MAK: variants seen among roughly 807,000 people sequenced by gnomAD.
The protein encoded by MAK is male germ cell associated kinase.
MAK carries 65 observed loss-of-function variants against 82.6 expected under a neutral mutation model. The observed-to-expected ratio is 0.79, with a 90% CI of 0.64 to 0.97. The LOEUF is 0.97. Among genes scored for constraint, MAK ranks in the 50% least tolerant of loss-of-function variants. MAK has a pLI of 0.00. For missense variants in MAK, 703 were observed against 780.2 expected (o/e 0.90, Z 1.18); for synonymous variants, 250 against 274.2 (o/e 0.91, Z 0.87).
At chr6:10,834,133 A>C (rs1410508483) in intron 1 of MAK, among the ~76,000 whole-genome samples, 1 of 152,208 alleles carries the variant, frequency 6.6e-6, no homozygotes, top group Non-Finnish European at 1.5e-5. Flanking sequence ...GCAATTTATC[A>C]CCAGCATATT....
intron 4 of MAK, among the ~76,000 whole-genome samples, chr6:10,815,054 A>G (rs1454322723): frequency 6.6e-6 from 1 of 151,078 alleles, no homozygotes; most frequent in Non-Finnish European, 1.5e-5. Context: ...AAAAAAATAA[A>G]GAAAGAAATA....
intron 9 of MAK, 78 bp downstream of exon 9, chr6:10,795,917 CATT>C: frequency 6.9e-7 from 1 of 1,453,414 alleles, no homozygotes; most frequent in Non-Finnish European, 9.7e-7. Context: ...TCTTTTCCAA[CATT>C]ATTAGAAATG....
In MAK at chr6:10,803,901, T is replaced by C. The variant is rs762730089; in HGVS notation, c.492-10A>G. The C allele has an allele frequency of 1.9e-6, 3 of 1,613,194 alleles. No individual in the cohort carries two copies. The South Asian group carries it at 3.3e-5, about 18-fold the overall frequency. On this transcript the variant is annotated splice_polypyrimidine_tract_variant and intron_variant, in intron 6 of 14. Coordinates refer to ENST00000354489, the MANE Select transcript of MAK (RefSeq NM_001242957.3). ...TTCAGGGGCACGATACCTATGAAAATAGAGAACAAAAGAGGTAATTTTGAT... is the reference window on the plus strand; with the variant it reads ...TTCAGGGGCACGATACCTATGAAAACAGAGAACAAAAGAGGTAATTTTGAT...
chr6:10,795,434 C>T (rs1373438477), intron 9 of MAK, among the ~76,000 whole-genome samples: 1 of 151,448 alleles, frequency 6.6e-6, no homozygotes, highest in Non-Finnish European at 1.5e-5. Context: ...TAGAGTGAAA[C>T]TCCGTCTCAA....
intron 8 of MAK, among the ~76,000 whole-genome samples, chr6:10,797,159 T>C (rs1294326843): frequency 6.6e-6 from 1 of 152,104 alleles, no homozygotes; most frequent in Non-Finnish European, 1.5e-5. Flanking sequence ...AACAAACACA[T>C]ACTGTTGAAG....
At chr6:10,792,675 A>C (rs1224211562) in intron 9 of MAK, among the ~76,000 whole-genome samples, 3 of 152,228 alleles carry the variant, frequency 2.0e-5, no homozygotes, top group Non-Finnish European at 4.4e-5. Flanking sequence ...ACTCAAAACT[A>C]GGGAAGAGAG....
At position 10,815,926 on chromosome 6, in the gene MAK, A is replaced by G. The variant is rs1208091775; in HGVS notation, c.278+1924T>C. Among the ~76,000 whole-genome samples, 68 of 123,170 alleles carry G rather than the reference A, an allele frequency of 5.5e-4. 2 individuals are homozygous for G. The highest frequency in any genetic ancestry group is 8.3e-4 in the African/African-American group (22 of 26,576). 80.8% of individuals were successfully genotyped at this position (123,170 alleles called of 152,430 possible). A position where few individuals can be genotyped will look rare whatever the true frequency, so the allele number is the denominator to read the frequency against. ...AGCTTTATACAGTATATATATATAT[A>G]TATATATATATATATATATATGTAT... On this transcript the variant is annotated intron_variant, in intron 4 of 14. Transcript: ENST00000354489.
At chr6:10,769,339 C>T (rs986190381) in intron 14 of MAK, among the ~76,000 whole-genome samples, 9 of 152,146 alleles carry the variant, frequency 5.9e-5, no homozygotes, top group Non-Finnish European at 8.8e-5. Flanking sequence ...TCAAATGATT[C>T]GAAGACCATT....
chr6:10,822,408 C>T lies in MAK; in HGVS notation c.102-3468G>A, dbSNP rs540925561. Among the ~76,000 whole-genome samples, 154 of 151,422 alleles carry T rather than the reference C, an allele frequency of 1.0e-3. 2 individuals are homozygous for T. Among genetic ancestry groups the T allele is most frequent in the African/African-American group, 3.5e-3 (146 of 41,238 alleles). On this transcript the variant is annotated intron_variant, in intron 2 of 14. Transcript: ENST00000354489. ...GGCAGAAGTTGCAGTGAGCCGAGAT[C>T]GCGCCATTGCACTCCAGCCTGAGCA...
At chr6:10,770,728 G>A (rs757734592) in intron 13 of MAK, among the ~76,000 whole-genome samples, 3 of 152,160 alleles carry the variant, frequency 2.0e-5, no homozygotes, top group Non-Finnish European at 2.9e-5. Context: ...CGCATTAAAC[G>A]TCAGCTAGCA....
At chr6:10,774,512 A>G (rs2127517840) in intron 12 of MAK, among the ~76,000 whole-genome samples, 1 of 152,324 alleles carries the variant, frequency 6.6e-6, no homozygotes, top group East Asian at 1.9e-4. Context: ...ACAAATAGAT[A>G]GTTGGGAACA....
intron 10 of MAK, among the ~76,000 whole-genome samples, chr6:10,785,635 A>C (rs1252610110): frequency 1.3e-5 from 2 of 152,190 alleles, no homozygotes. Context: ...CCTTCCCCTG[A>C]GCCCACTGCT....
In MAK at chr6:10,763,162, A is replaced by G. The variant is rs1772101101; in HGVS notation, c.*1290T>C. 6.5e-6 allele frequency: 1 copy of G among 152,680 alleles called. No individual in the cohort carries two copies. Among genetic ancestry groups the G allele is most frequent in the Non-Finnish European group, 1.5e-5 (1 of 68,048 alleles). 9.5% of individuals were successfully genotyped at this position (152,680 alleles called of 1,614,324 possible). A position where few individuals can be genotyped will look rare whatever the true frequency, so the allele number is the denominator to read the frequency against. On this transcript the variant is annotated 3_prime_UTR_variant, in exon 15 of 15. Transcript: ENST00000354489. ...AAACTAAGGAAATAATATATGTACT[A>G]TGTGATATCACTGCCCCAGCAGCTG...
At chr6:10,825,703 C>A (rs1353127102) in intron 2 of MAK, among the ~76,000 whole-genome samples, 1 of 152,092 alleles carries the variant, frequency 6.6e-6, no homozygotes, top group Non-Finnish European at 1.5e-5. Flanking sequence ...AAGCCAGAAT[C>A]CCAGGAGTTA....
chr6:10,791,368 G>T (rs1465011490), intron 10 of MAK, among the ~76,000 whole-genome samples: 3 of 152,162 alleles, frequency 2.0e-5, no homozygotes, highest in Non-Finnish European at 4.4e-5. Context: ...CCAGGTTCAA[G>T]AAATTCTCAT....
intron 14 of MAK, among the ~76,000 whole-genome samples, chr6:10,769,250 A>G (rs1320070070): frequency 2.6e-5 from 4 of 152,170 alleles, no homozygotes; most frequent in East Asian, 3.8e-4. Context: ...TTAAACTACA[A>G]TTAGGTATCT....
intron 11 of MAK, among the ~76,000 whole-genome samples, chr6:10,778,785 A>G (rs1773687162): frequency 6.6e-6 from 1 of 152,090 alleles, no homozygotes; most frequent in Non-Finnish European, 1.5e-5. Context: ...GGAAGGAAAG[A>G]TGGTGAATAA....
intron 14 of MAK, among the ~76,000 whole-genome samples, chr6:10,767,808 AAAAC>A (rs1212206778): frequency 1.3e-5 from 2 of 151,364 alleles, no homozygotes; most frequent in East Asian, 1.9e-4. Context: ...AAAAAAAAAA[AAAAC>A]AAAAACAAAA....
At chr6:10,784,800 A>G (rs906059866) in intron 10 of MAK, 62 of 663,404 alleles carry the variant, frequency 9.3e-5, no homozygotes, top group South Asian at 9.3e-4. Flanking sequence ...AGGAACCTTT[A>G]TAACTGAGCA....
Sources: allele counts gnomAD v4.1 joint callset (sites outside exome capture counted in the v4.1 genomes callset), GRCh38; gene constraint gnomAD v4.1.1; transcripts MANE v1.5; gene names NCBI Gene and HGNC (gene_info 2026-07-23, HGNC 2026-07-21).